Variants in PAPSS2 observed in about 807,000 individuals in gnomAD.
PAPSS2 encodes the protein bifunctional 3'-phosphoadenosine 5'-phosphosulfate synthase 2.
PAPSS2 carries 61 observed loss-of-function variants against 66.5 expected under a neutral mutation model. That is an observed-to-expected ratio of 0.92 (90% CI 0.75 to 1.14). The LOEUF is 1.14. PAPSS2 is among the 50% of genes most tolerant of loss of function. PAPSS2 has a pLI of 0.00. For missense variants in PAPSS2, 708 were observed against 789.6 expected (o/e 0.90, Z 1.24); for synonymous variants, 289 against 287.5 (o/e 1.01, Z -0.05).
At chr10:87,723,669 C>A (rs998678491) in intron 8 of PAPSS2, among the ~76,000 whole-genome samples, 2 of 108,186 alleles carry the variant, frequency 1.8e-5, no homozygotes, top group African/African-American at 8.8e-5. Flanking sequence ...TTGTTTATTG[C>A]CGGCAGTTGC....
At chr10:87,683,837 A>C (rs1318961698) in intron 1 of PAPSS2, among the ~76,000 whole-genome samples, 1 of 152,078 alleles carries the variant, frequency 6.6e-6, no homozygotes, top group South Asian at 2.1e-4. Context: ...CCACAGGTGC[A>C]AACCACCACA....
chr10:87,703,888 T>A (rs1399699408), intron 1 of PAPSS2: 4 of 511,546 alleles, frequency 7.8e-6, no homozygotes, highest in Non-Finnish European at 1.6e-5. Context: ...GTCTGTGTGT[T>A]CTCTATGTAC....
intron 1 of PAPSS2, among the ~76,000 whole-genome samples, chr10:87,683,321 G>A (rs539872154): frequency 3.9e-5 from 6 of 152,088 alleles, no homozygotes; most frequent in Non-Finnish European, 8.8e-5. Flanking sequence ...TTGAACTCCT[G>A]ACCTCAGGTG....
chr10:87,743,940 A>G (rs1308570138), intron 11 of PAPSS2, among the ~76,000 whole-genome samples: 2 of 152,104 alleles, frequency 1.3e-5, no homozygotes, highest in Non-Finnish European at 2.9e-5. Context: ...TGTCTCTACT[A>G]AAAATACAAA....
chr10:87,689,388 G>A (rs897755423), intron 1 of PAPSS2, among the ~76,000 whole-genome samples: 4 of 151,458 alleles, frequency 2.6e-5, no homozygotes, highest in African/African-American at 9.7e-5. Flanking sequence ...TGTGGCCTGG[G>A]GGACAGGCGC....
intron 2 of PAPSS2, 69 bp from the exon 3 acceptor site, chr10:87,713,006 G>C (rs890134135): frequency 2.5e-6 from 2 of 810,726 alleles, no homozygotes; most frequent in African/African-American, 3.5e-5. Flanking sequence ...AAAATTACTA[G>C]ATTAGTTCAC....
At chr10:87,730,050 T>A (rs1271300775) in intron 9 of PAPSS2, among the ~76,000 whole-genome samples, 2 of 152,152 alleles carry the variant, frequency 1.3e-5, no homozygotes, top group Non-Finnish European at 2.9e-5. Flanking sequence ...TTAGCCAAGT[T>A]GTAAATGCAA....
chr10:87,714,926 C>T (rs1286760644), intron 5 of PAPSS2, 59 bp from the exon 6 acceptor site: 2 of 1,416,208 alleles, frequency 1.4e-6, no homozygotes, highest in African/African-American at 2.8e-5. Context: ...ATCTATGCCT[C>T]TTTACTGAAG....
At chr10:87,729,236 CT>C (rs36029935) in intron 9 of PAPSS2, among the ~76,000 whole-genome samples, 422 of 47,778 alleles carry the variant, frequency 8.8e-3, no homozygotes, top group Non-Finnish European at 0.013. Context: ...CTTTTCTTTT[CT>C]TTTTTTTTTT....
chr10:87,734,148 G>C (rs930081480), intron 9 of PAPSS2, among the ~76,000 whole-genome samples: 6 of 151,900 alleles, frequency 3.9e-5, no homozygotes, highest in African/African-American at 1.5e-4. Context: ...ACAATTTACC[G>C]CAAAGCCTCT....
chr10:87,688,437 T>TTTTTG (rs1853115720), intron 1 of PAPSS2, among the ~76,000 whole-genome samples: 1 of 145,926 alleles, frequency 6.9e-6, no homozygotes, highest in Non-Finnish European at 1.5e-5. Flanking sequence ...GGAAATTTCT[T>TTTTTG]TTTTATTTTA....
intron 3 of PAPSS2, 135 bp downstream of exon 3, chr10:87,713,445 TC>T (rs1564721229): frequency 1.5e-6 from 1 of 657,916 alleles, no homozygotes; most frequent in Non-Finnish European, 2.7e-6. Context: ...GACTATTTCT[TC>T]CCCCAATAAC....
chr10:87,743,782 G>A (rs1220241022), intron 11 of PAPSS2, 141 bp downstream of exon 11: 11 of 1,010,578 alleles, frequency 1.1e-5, no homozygotes, highest in Non-Finnish European at 3.0e-6. Flanking sequence ...TCTTTATCTA[G>A]CTTAATTATG....
intron 1 of PAPSS2, among the ~76,000 whole-genome samples, chr10:87,683,271 T>A (rs1321808538): frequency 6.6e-6 from 1 of 152,026 alleles, no homozygotes; most frequent in Non-Finnish European, 1.5e-5. Flanking sequence ...TTTTGTATTT[T>A]TAGTAGAGAC....
intron 1 of PAPSS2, among the ~76,000 whole-genome samples, chr10:87,701,404 T>C (rs11591312): frequency 0.034 from 1,900 of 56,628 alleles, 52 homozygotes; most frequent in African/African-American, 0.12. Context: ...TTCTCTTTCT[T>C]TCTCTCTCTC....
Position 87,746,065 on chromosome 10 carries a change from G to T in PAPSS2, c.*95G>T. ...TTGTATTAAATTGCTTCTCAATGATGCATTTTAATCTTTTATAATGAAGTA... is the reference window on the plus strand; with the variant it reads ...TTGTATTAAATTGCTTCTCAATGATTCATTTTAATCTTTTATAATGAAGTA... On this transcript the variant is annotated 3_prime_UTR_variant, in exon 13 of 13. Transcript: ENST00000456849. 1 of 1,191,046 alleles carries T rather than the reference G, an allele frequency of 8.4e-7. No homozygotes were observed. Among genetic ancestry groups the T allele is most frequent in the South Asian group, 1.3e-5 (1 of 77,262 alleles). 73.8% of individuals were successfully genotyped at this position (1,191,046 alleles called of 1,614,324 possible). A position where few individuals can be genotyped will look rare whatever the true frequency, so the allele number is the denominator to read the frequency against.
chr10:87,697,610 A>G (rs1248708365), intron 1 of PAPSS2, among the ~76,000 whole-genome samples: 2 of 152,238 alleles, frequency 1.3e-5, no homozygotes, highest in Admixed American at 1.3e-4. Context: ...GCGGCAGTCC[A>G]AGGAAAATAA....
At chr10:87,725,133 C>T (rs4933459) in intron 8 of PAPSS2, among the ~76,000 whole-genome samples, 79,060 of 151,964 alleles carry the variant, frequency 0.52, 21,784 homozygotes, top group East Asian at 0.71. Context: ...AAATGTTAAT[C>T]CCATCTAAAA....
intron 1 of PAPSS2, among the ~76,000 whole-genome samples, chr10:87,707,334 G>T (rs1214845405): frequency 6.6e-6 from 1 of 152,192 alleles, no homozygotes; most frequent in Non-Finnish European, 1.5e-5. Flanking sequence ...AAGTCTTGAA[G>T]CCATTTTCCT....
Sources: allele counts gnomAD v4.1 joint callset (sites outside exome capture counted in the v4.1 genomes callset), GRCh38; gene constraint gnomAD v4.1.1; transcripts MANE v1.5; gene names NCBI Gene and HGNC (gene_info 2026-07-23, HGNC 2026-07-21).